The following MAD1L1 variants were observed in gnomAD, a reference collection of about 807,000 sequenced individuals.
MAD1L1 encodes mitotic arrest deficient 1 like 1.
Under a neutral mutation model 96.9 loss-of-function variants are expected in MAD1L1, and 95 were observed. The observed-to-expected ratio is 0.98, with a 90% CI of 0.83 to 1.16. The LOEUF is 1.16. Ranked by LOEUF, MAD1L1 falls within the 50% of genes most tolerant of loss-of-function variation. The probability of loss-of-function intolerance (pLI) is 0.00; values close to 1 mark genes in which losing one functional copy is unlikely to be tolerated. For synonymous variants in MAD1L1, 473 were observed against 396.6 expected (o/e 1.19, Z -2.29); for missense variants, 1,007 against 954.4 (o/e 1.06, Z -0.73).
intron 15 of MAD1L1, among the ~76,000 whole-genome samples, chr7:1,979,580 T>C (rs1780799351): frequency 6.6e-6 from 1 of 152,196 alleles, no homozygotes; most frequent in African/African-American, 2.4e-5. Context: ...AGGACCCTGA[T>C]GGGTCCACAA....
chr7:2,161,708 T>C (rs1790140300), intron 10 of MAD1L1, among the ~76,000 whole-genome samples: 1 of 149,430 alleles, frequency 6.7e-6, no homozygotes, highest in Non-Finnish European at 1.5e-5. Context: ...GGAGCGCCTC[T>C]GCCCCGCCGC....
At chr7:1,903,563 G>T (rs11762448) in intron 17 of MAD1L1, among the ~76,000 whole-genome samples, 21 of 112,250 alleles carry the variant, frequency 1.9e-4, no homozygotes, top group South Asian at 1.6e-3. Flanking sequence ...ATTCATGATT[G>T]ATGAAGCACT....
chr7:1,884,865 C>T (rs149955590), intron 18 of MAD1L1, among the ~76,000 whole-genome samples: 4 of 152,338 alleles, frequency 2.6e-5, no homozygotes, highest in Non-Finnish European at 5.9e-5. Flanking sequence ...GGCCGTGGGG[C>T]AAGGGGGCAG....
At chr7:1,938,596 G>T (rs1778736617) in intron 16 of MAD1L1, among the ~76,000 whole-genome samples, 1 of 152,194 alleles carries the variant, frequency 6.6e-6, no homozygotes, top group South Asian at 2.1e-4. Context: ...CCAAGGGCAT[G>T]TCAGAAATAA....
intron 16 of MAD1L1, among the ~76,000 whole-genome samples, chr7:1,953,693 G>C (rs1779601711): frequency 6.6e-6 from 1 of 152,256 alleles, no homozygotes; most frequent in Non-Finnish European, 1.5e-5. Context: ...ATCCGTGGTG[G>C]AGCCTTGGTG....
intron 13 of MAD1L1, among the ~76,000 whole-genome samples, chr7:2,004,572 C>T (rs113240092): frequency 6.6e-6 from 1 of 152,260 alleles, no homozygotes; most frequent in African/African-American, 2.4e-5. Flanking sequence ...TCCTGTGCCT[C>T]CCGACACAGA....
chr7:2,185,684 G>C (rs565851792), intron 10 of MAD1L1, among the ~76,000 whole-genome samples: 1 of 151,960 alleles, frequency 6.6e-6, no homozygotes, highest in Admixed American at 6.6e-5. Context: ...TTTCATGAGA[G>C]AGAGACCATT....
chr7:1,839,696 G>A (rs1783137687), intron 18 of MAD1L1, among the ~76,000 whole-genome samples: 1 of 152,180 alleles, frequency 6.6e-6, no homozygotes, highest in South Asian at 2.1e-4. Context: ...AGAAGATACA[G>A]AAGGGCTCTA....
chr7:2,075,987 C>G (rs555671193), intron 11 of MAD1L1, among the ~76,000 whole-genome samples: 45 of 152,344 alleles, frequency 3.0e-4, no homozygotes, highest in African/African-American at 1.1e-3. Context: ...GCGTGGCCAC[C>G]GCGGGAGACA....
At chr7:2,086,088 CAAG>C (rs1464674400) in intron 11 of MAD1L1, among the ~76,000 whole-genome samples, 3 of 152,212 alleles carry the variant, frequency 2.0e-5, no homozygotes, top group Admixed American at 2.0e-4. Context: ...GGGAGGACGG[CAAG>C]ACCCGTCACC....
chr7:1,912,900 CGTGGGGGCGGGGCT>C (rs943066278), intron 17 of MAD1L1, among the ~76,000 whole-genome samples: 4 of 149,572 alleles, frequency 2.7e-5, no homozygotes, highest in African/African-American at 9.8e-5. Flanking sequence ...TCCTGGGAGA[CGTGGGGGCGGGGCT>C]GTGTGGGCTC....
chr7:2,113,200 G>A (rs565173670), intron 11 of MAD1L1, among the ~76,000 whole-genome samples: 66 of 152,210 alleles, frequency 4.3e-4, no homozygotes, highest in South Asian at 8.3e-4. Context: ...AGAGACGGGC[G>A]GACAGAAAAC....
intron 12 of MAD1L1, among the ~76,000 whole-genome samples, chr7:2,046,128 C>T (rs1397218294): frequency 6.6e-6 from 1 of 152,152 alleles, no homozygotes. Context: ...CAATCAGTGC[C>T]TCTCCTGGGA....
At chr7:2,125,756 G>T (rs1365507443) in intron 11 of MAD1L1, among the ~76,000 whole-genome samples, 1 of 152,238 alleles carries the variant, frequency 6.6e-6, no homozygotes, top group Non-Finnish European at 1.5e-5. Context: ...CTCCAGCTAA[G>T]GGCTTCCTGG....
At position 1,936,751 on chromosome 7, in the gene MAD1L1, T is replaced by A; in HGVS notation, c.1743A>T (p.Gly581=). 6.4e-7 allele frequency: 1 copy of A among 1,568,862 alleles called. No individual in the cohort carries two copies. Among genetic ancestry groups the A allele is most frequent in the Non-Finnish European group, 8.6e-7 (1 of 1,158,208 alleles). Residue 581 remains glycine (G), a synonymous_variant, in exon 17 of 19, where the codon GGA becomes GGT. Coordinates refer to ENST00000265854, the MANE Select transcript of MAD1L1 (RefSeq NM_001013836.2). ...CCTCAAGGTCGGCTGGGACGGTGCC[T>A]CCTCTCTCCATGGCGCGCAGGAGCC... ...LRGLLRAMER[G]GTVPADLEAA...
At chr7:1,864,538 C>A (rs925514216) in intron 18 of MAD1L1, among the ~76,000 whole-genome samples, 2 of 152,220 alleles carry the variant, frequency 1.3e-5, no homozygotes, top group Non-Finnish European at 2.9e-5. Flanking sequence ...AGTTGCTGGG[C>A]AATTTGTCAG....
At chr7:2,086,873 G>C (rs1785945515) in intron 11 of MAD1L1, among the ~76,000 whole-genome samples, 1 of 152,212 alleles carries the variant, frequency 6.6e-6, no homozygotes, top group South Asian at 2.1e-4. Context: ...GTTATCTTCT[G>C]CGACTAAAAG....
intron 11 of MAD1L1, among the ~76,000 whole-genome samples, chr7:2,129,977 G>A (rs926046463): frequency 2.6e-5 from 4 of 152,232 alleles, no homozygotes; most frequent in Admixed American, 1.3e-4. Context: ...GCAGAAGGGT[G>A]AAGAAAACAC....
intron 14 of MAD1L1, among the ~76,000 whole-genome samples, chr7:1,996,831 C>A (rs1781583181): frequency 1.1e-5 from 1 of 95,094 alleles, no homozygotes. Context: ...TCACTCCTCA[C>A]TCCCCAAAGT....
Sources: allele counts gnomAD v4.1 joint callset (sites outside exome capture counted in the v4.1 genomes callset), GRCh38; gene constraint gnomAD v4.1.1; transcripts MANE v1.5; gene names NCBI Gene and HGNC (gene_info 2026-07-23, HGNC 2026-07-21).